RARB: variants seen among roughly 807,000 people sequenced by gnomAD.
The protein encoded by RARB is retinoic acid receptor beta, also known as HBV-activated protein.
In RARB, 17 loss-of-function variants were observed where a neutral mutation model predicts 51.9. The ratio of observed to expected loss-of-function variants is 0.33; its 90% CI spans 0.22 to 0.49. The LOEUF is 0.49. RARB is among the 20% of genes least tolerant of loss of function. The pLI is 0.99. For synonymous variants in RARB, 215 were observed against 195.4 expected, an observed-to-expected ratio of 1.10 and a Z score of -0.84; for missense variants, 369 against 550.8, an observed-to-expected ratio of 0.67 and a Z score of 3.30.
chr3:25,415,417 G>C (rs951427438), intron 5 of RARB, among the ~76,000 whole-genome samples: 2 of 151,838 alleles, frequency 1.3e-5, no homozygotes, highest in Non-Finnish European at 2.9e-5. Flanking sequence ...TGTTTTATTT[G>C]TATGCAGTAT....
At chr3:25,579,107 C>T (rs1701064929) in intron 4 of RARB, among the ~76,000 whole-genome samples, 1 of 152,172 alleles carries the variant, frequency 6.6e-6, no homozygotes, top group African/African-American at 2.4e-5. Context: ...TTCTGGTTTT[C>T]TCATATATAT....
intron 2 of RARB, among the ~76,000 whole-genome samples, chr3:24,871,589 A>C (rs1702949234): frequency 6.6e-6 from 1 of 152,106 alleles, no homozygotes; most frequent in African/African-American, 2.4e-5. Context: ...CTTGGCTTTT[A>C]TGCTAACATC....
chr3:25,100,158 TGTG>T (rs1257230343), intron 3 of RARB, among the ~76,000 whole-genome samples: 3 of 152,298 alleles, frequency 2.0e-5, no homozygotes, highest in African/African-American at 4.8e-5. Context: ...TCACTTTAAA[TGTG>T]GTGAAAATCA....
chr3:25,378,490 A>C (rs1201088060), intron 5 of RARB, among the ~76,000 whole-genome samples: 2 of 152,222 alleles, frequency 1.3e-5, no homozygotes, highest in East Asian at 3.9e-4. Context: ...ACAACAACAA[A>C]AAAATCTATT....
chr3:25,334,870 A>C (rs1705018642), intron 5 of RARB, among the ~76,000 whole-genome samples: 1 of 152,240 alleles, frequency 6.6e-6, no homozygotes, highest in African/African-American at 2.4e-5. Flanking sequence ...AGAAATATTC[A>C]TCATGGCTTC....
At chr3:25,359,406 A>AT (rs1299223040) in intron 5 of RARB, among the ~76,000 whole-genome samples, 5 of 149,060 alleles carry the variant, frequency 3.4e-5, no homozygotes, top group Non-Finnish European at 7.4e-5. Flanking sequence ...TATTTTGTTA[A>AT]TTTTTTAAAA....
At chr3:25,236,680 A>C (rs1170991071) in intron 5 of RARB, among the ~76,000 whole-genome samples, 1 of 152,058 alleles carries the variant, frequency 6.6e-6, no homozygotes, top group Non-Finnish European at 1.5e-5. Flanking sequence ...AATGAAAATA[A>C]ATGCTAGATT....
intron 5 of RARB, among the ~76,000 whole-genome samples, chr3:25,364,125 T>A (rs1706039873): frequency 6.6e-6 from 1 of 152,188 alleles, no homozygotes; most frequent in African/African-American, 2.4e-5. Context: ...ATTTATCTAT[T>A]CTTTTTTTGT....
intron 5 of RARB, among the ~76,000 whole-genome samples, chr3:25,384,754 T>C (rs1478810938): frequency 6.6e-6 from 1 of 152,216 alleles, no homozygotes; most frequent in Non-Finnish European, 1.5e-5. Context: ...TCTACGAACA[T>C]ACTCCCAGAA....
chr3:25,053,719 A>C (rs1698383690), intron 2 of RARB, among the ~76,000 whole-genome samples: 3 of 152,142 alleles, frequency 2.0e-5, no homozygotes. Flanking sequence ...TTTGGAAATC[A>C]CTTTGCTTTG....
chr3:25,389,636 T>G (rs1413258254), intron 5 of RARB, among the ~76,000 whole-genome samples: 1 of 152,160 alleles, frequency 6.6e-6, no homozygotes, highest in Non-Finnish European at 1.5e-5. Context: ...GAAGCCTTGG[T>G]TTTCCATTCA....
At chr3:25,060,403 C>G (rs1698525417) in intron 3 of RARB, among the ~76,000 whole-genome samples, 3 of 151,738 alleles carry the variant, frequency 2.0e-5, no homozygotes, top group Admixed American at 2.0e-4. Flanking sequence ...GTCTTATTTT[C>G]TCTCTGCTAA....
intron 4 of RARB, among the ~76,000 whole-genome samples, chr3:25,167,791 T>C (rs551951954): frequency 2.0e-5 from 3 of 152,298 alleles, no homozygotes; most frequent in Middle Eastern, 6.8e-3. Context: ...AAAGGCCACA[T>C]ATTTCATAGT....
chr3:25,084,635 T>C (rs1010440791), intron 3 of RARB, among the ~76,000 whole-genome samples: 4 of 152,034 alleles, frequency 2.6e-5, no homozygotes, highest in Non-Finnish European at 2.9e-5. Flanking sequence ...TTAAAGGAGA[T>C]GTATGAGTTT....
At chr3:25,033,816 T>C (rs13076332) in intron 2 of RARB, among the ~76,000 whole-genome samples, 99,539 of 152,000 alleles carry the variant, frequency 0.65, 33,010 homozygotes, top group East Asian at 0.93. Context: ...GAAAATACCG[T>C]AATAAATATT....
At chr3:25,225,813 T>G (rs532316737) in intron 5 of RARB, among the ~76,000 whole-genome samples, 1 of 152,312 alleles carries the variant, frequency 6.6e-6, no homozygotes, top group East Asian at 1.9e-4. Context: ...TTAAGTAGCA[T>G]GATGATATCT....
chr3:25,080,954 G>T (rs1698982260), intron 3 of RARB, among the ~76,000 whole-genome samples: 1 of 151,764 alleles, frequency 6.6e-6, no homozygotes. Context: ...TTTTGATTTT[G>T]TTGATGTTTC....
At chr3:25,143,785 G>A (rs1223798945) in intron 4 of RARB, among the ~76,000 whole-genome samples, 1 of 152,222 alleles carries the variant, frequency 6.6e-6, no homozygotes, top group Non-Finnish European at 1.5e-5. Context: ...CTTGAAGCAT[G>A]TAGCTGAACT....
At chr3:24,948,475 C>T (rs1356341585) in intron 2 of RARB, among the ~76,000 whole-genome samples, 2 of 152,192 alleles carry the variant, frequency 1.3e-5, no homozygotes. Flanking sequence ...AAGTTCCTTT[C>T]TTTTAGGCTA....
Sources: gnomAD v4.1 joint callset for allele counts (sites outside exome capture counted in the v4.1 genomes callset) on GRCh38, gnomAD v4.1.1 for gene constraint, MANE v1.5 for transcripts, NCBI Gene and HGNC (gene_info 2026-07-23, HGNC 2026-07-21) for gene names.